STK32B: variants seen among roughly 807,000 people sequenced by gnomAD.
The protein encoded by STK32B is serine/threonine-protein kinase 32B.
Under a neutral mutation model 52.6 loss-of-function variants are expected in STK32B, and 43 were observed. The observed-to-expected ratio is 0.82, with a 90% CI of 0.64 to 1.05. STK32B has a LOEUF of 1.05. STK32B is among the 50% of genes least tolerant of loss of function. The pLI is 0.00. For synonymous variants in STK32B, 238 were observed against 204.3 expected (o/e 1.17, Z -1.41); for missense variants, 621 against 534.6 (o/e 1.16, Z -1.59).
At chr4:5,136,252 T>A (rs2108827129) in intron 1 of STK32B, among the ~76,000 whole-genome samples, 1 of 152,358 alleles carries the variant, frequency 6.6e-6, no homozygotes, top group East Asian at 1.9e-4. Flanking sequence ...TTCCATTGTC[T>A]TCATGATGCC....
chr4:5,129,870 C>T (rs1272160626), intron 1 of STK32B, among the ~76,000 whole-genome samples: 1 of 152,148 alleles, frequency 6.6e-6, no homozygotes, highest in Admixed American at 6.5e-5. Flanking sequence ...TATTCATTCA[C>T]TTGTTCTTTC....
At chr4:5,034,966 A>G in the STK32B span, among the ~76,000 whole-genome samples, 1 of 152,090 alleles carries the variant, frequency 6.6e-6, no homozygotes, top group African/African-American at 2.4e-5. Flanking sequence ...CTAACAATGC[A>G]TTTTCACGGT....
Position 5,460,049 on chromosome 4 carries a change from G to A in STK32B, c.784-54G>A, listed in dbSNP as rs745521896. 2.6e-4 allele frequency: 420 copies of A among 1,613,690 alleles called. No individual in the cohort carries two copies. Among genetic ancestry groups the A allele is most frequent in the Non-Finnish European group, 3.5e-4 (409 of 1,179,894 alleles). The stretch of plus-strand genomic sequence containing the variant: ...TGAGACCCCCTCCTTCAGAGTCCCC[G>A]CTAACCTTGAGGGATGCCCAATTCA... On this transcript the variant is annotated intron_variant, in intron 8 of 11. Coordinates refer to ENST00000282908, the MANE Select transcript of STK32B (RefSeq NM_018401.3). The surrounding 1 kb of genome is among the most constrained non-coding windows in gnomAD (Gnocchi z 4.8).
At chr4:5,360,299 T>A (rs1238053765) in intron 4 of STK32B, among the ~76,000 whole-genome samples, 2 of 152,002 alleles carry the variant, frequency 1.3e-5, no homozygotes, top group African/African-American at 4.8e-5. Flanking sequence ...AAGCACTCCA[T>A]GGGGGCAGAA....
At chr4:5,495,042 C>T (rs576016777) in intron 11 of STK32B, among the ~76,000 whole-genome samples, 1 of 152,106 alleles carries the variant, frequency 6.6e-6, no homozygotes, top group African/African-American at 2.4e-5. Context: ...GTGAATCTGA[C>T]AATTATGTGT....
At chr4:5,099,454 G>GCA (rs1553823535) in intron 1 of STK32B, among the ~76,000 whole-genome samples, 2 of 129,744 alleles carry the variant, frequency 1.5e-5, no homozygotes, top group African/African-American at 5.1e-5. Context: ...GTGTGTGCGC[G>GCA]CGCGCGTATG....
intron 3 of STK32B, among the ~76,000 whole-genome samples, chr4:5,295,705 C>G (rs970395256): frequency 3.3e-5 from 5 of 151,920 alleles, no homozygotes; most frequent in African/African-American, 1.2e-4. Context: ...TTTTGTTAAT[C>G]TTTTCAAAAA....
chr4:5,188,214 G>A (rs1413204652), intron 3 of STK32B, among the ~76,000 whole-genome samples: 1 of 152,196 alleles, frequency 6.6e-6, no homozygotes, highest in African/African-American at 2.4e-5. Context: ...AGTGGGAGGT[G>A]GCGGCTGTGC....
intron 7 of STK32B, among the ~76,000 whole-genome samples, chr4:5,452,033 G>C (rs1228553163): frequency 6.6e-6 from 1 of 152,172 alleles, no homozygotes; most frequent in African/African-American, 2.4e-5. Flanking sequence ...GAGAGCAGAG[G>C]CTGGATCATA....
At chr4:5,293,443 C>A (rs942242014) in intron 3 of STK32B, among the ~76,000 whole-genome samples, 4 of 152,114 alleles carry the variant, frequency 2.6e-5, no homozygotes, top group African/African-American at 9.7e-5. Flanking sequence ...ACATCCTCTC[C>A]AGCATCTGTT....
intron 4 of STK32B, among the ~76,000 whole-genome samples, chr4:5,334,601 T>C (rs202035451): frequency 1.8e-5 from 2 of 108,142 alleles, no homozygotes; most frequent in South Asian, 3.1e-4. Context: ...CAGTATGATA[T>C]TGGCTGTGGG....
In STK32B at chr4:5,159,600, T is replaced by TGA. The variant is rs1560185881; in HGVS notation, c.109-8699_109-8698insGA. Among the ~76,000 whole-genome samples the TGA allele has an allele frequency of 2.8e-3, 261 of 92,616 alleles. 29 individuals are homozygous for TGA. Among genetic ancestry groups the TGA allele is most frequent in the African/African-American group, 0.012 (178 of 15,122 alleles). The allele number at this position is 92,616 out of a possible 152,430, so 60.8% of individuals were successfully genotyped here. On this transcript the variant is annotated intron_variant, in intron 2 of 11. Transcript: ENST00000282908. Reference sequence around the variant, plus strand: ...GAATATATATATGAATATATATGAATATATATATGAATATATATGAATATA... The same window carrying TGA: ...GAATATATATATGAATATATATGAATGAATATATATGAATATATATGAATATA...
At chr4:5,444,873 T>G (rs564115648) in intron 6 of STK32B, among the ~76,000 whole-genome samples, 65 of 152,344 alleles carry the variant, frequency 4.3e-4, no homozygotes, top group African/African-American at 1.5e-3. Context: ...GTGGTCTTCC[T>G]GTTTCCCAGG....
Position 5,378,450 on chromosome 4 carries a change from A to G in STK32B, c.435-19757A>G, listed in dbSNP as rs892442606. On this transcript the variant is annotated intron_variant, in intron 4 of 11. Coordinates refer to ENST00000282908, the MANE Select transcript of STK32B (RefSeq NM_018401.3). The surrounding 1 kb of genome is among the most constrained non-coding windows in gnomAD (Gnocchi z 4.4). The stretch of plus-strand genomic sequence containing the variant: ...TTTTTTCCTTTATGACGTGAGTTAA[A>G]TCATTTACAATTATCATGATTCCTG... Among the ~76,000 whole-genome samples, 6 of 152,180 alleles carry G rather than the reference A, an allele frequency of 3.9e-5. No individual in the cohort carries two copies. The highest frequency in any genetic ancestry group is 1.2e-4 in the African/African-American group (5 of 41,436).
At chr4:5,468,486 G>A (rs1216987173) in intron 11 of STK32B, among the ~76,000 whole-genome samples, 1 of 152,218 alleles carries the variant, frequency 6.6e-6, no homozygotes, top group Admixed American at 6.5e-5. Flanking sequence ...CAGTGGAGAG[G>A]CCTCCTTAAG....
In STK32B at chr4:5,051,846, C is replaced by G; in HGVS notation, c.-18C>G. On this transcript the variant is annotated 5_prime_UTR_variant, in exon 1 of 12. Coordinates refer to ENST00000282908, the MANE Select transcript of STK32B (RefSeq NM_018401.3). ...ATCCCAGCGGCCGGGCATGTAGCAG[C>G]GGCAGCAACGGCGGAATATGGGCGG... 3.1e-6 allele frequency: 5 copies of G among 1,591,758 alleles called. No homozygotes were observed. The highest frequency in any genetic ancestry group is 4.3e-6 in the Non-Finnish European group (5 of 1,170,002).
intron 3 of STK32B, among the ~76,000 whole-genome samples, chr4:5,244,685 A>G (rs1356925978): frequency 4.6e-5 from 7 of 152,048 alleles, no homozygotes; most frequent in Admixed American, 1.3e-4. Flanking sequence ...TCAATTTTAG[A>G]TCTTTCCTGC....
chr4:5,323,029 A>T (rs1395532249), intron 3 of STK32B, among the ~76,000 whole-genome samples: 1 of 152,136 alleles, frequency 6.6e-6, no homozygotes, highest in Non-Finnish European at 1.5e-5. Flanking sequence ...TGGGCAATTG[A>T]GGGTGATAAT....
chr4:5,056,804 AGC>A (rs1560129213), intron 1 of STK32B, among the ~76,000 whole-genome samples: 1 of 152,222 alleles, frequency 6.6e-6, no homozygotes, highest in African/African-American at 2.4e-5. Context: ...GGGTAGAGTC[AGC>A]TCCACTTGAG....
Sources: gnomAD v4.1 joint callset for allele counts (sites outside exome capture counted in the v4.1 genomes callset) on GRCh38, gnomAD v4.1.1 for gene constraint, Gnocchi (gnomAD v3.1) non-coding constraint, MANE v1.5 for transcripts, NCBI Gene and HGNC (gene_info 2026-07-23, HGNC 2026-07-21) for gene names.